The following FAT1 variants were observed in gnomAD, a reference collection of about 807,000 sequenced individuals.
FAT1 encodes the protein FAT atypical cadherin 1.
In FAT1, 171 loss-of-function variants were observed where a neutral mutation model predicts 329.8. That is an observed-to-expected ratio of 0.52 (90% CI 0.46 to 0.59). The LOEUF (loss-of-function observed/expected upper bound fraction) is 0.59. Among genes scored for constraint, FAT1 ranks in the 20% least tolerant of loss-of-function variants. FAT1 has a pLI of 0.00. For missense variants in FAT1, 5,672 were observed against 5,774.4 expected (o/e 0.98, Z 0.57); for synonymous variants, 2,233 against 2,228.6 (o/e 1.00, Z -0.06).
chr4:186,664,512 T>C (rs1460552960), intron 2 of FAT1, among the ~76,000 whole-genome samples: 1 of 152,172 alleles, frequency 6.6e-6, no homozygotes, highest in East Asian at 1.9e-4. Context: ...ATACATTTCT[T>C]AGTAAGTCAA....
chr4:186,606,360 T>G lies in FAT1; in HGVS notation c.10207-147A>C, dbSNP rs1739137347. ...CCTGCCTGTGAGCGATGCCCTAATC[T>G]CCTACAAACGAGTGCATGCAAGTAA... On this transcript the variant is annotated intron_variant, in intron 16 of 26. Transcript: ENST00000441802. 1.2e-5 allele frequency: 9 copies of G among 740,170 alleles called. No individual in the cohort carries two copies. The East Asian group carries it at 2.2e-4, about 18-fold the overall frequency. 45.9% of individuals were successfully genotyped at this position (740,170 alleles called of 1,614,324 possible).
At chr4:186,716,580 G>A (rs1444352576) in intron 1 of FAT1, among the ~76,000 whole-genome samples, 2 of 152,026 alleles carry the variant, frequency 1.3e-5, no homozygotes, top group Admixed American at 6.6e-5. Flanking sequence ...ACCATGCCCA[G>A]CTAATTTTTT....
chr4:186,621,300 C>T lies in FAT1; in HGVS notation c.5286G>A (p.Ala1762=), dbSNP rs749180511. 19 of 1,613,854 alleles carry T rather than the reference C, an allele frequency of 1.2e-5. No homozygotes were observed. The Admixed American group carries it at 1.7e-4, about 14-fold the overall frequency. ...TATATTCTGCCTGCATAAAAACTGG[C>T]GCGTTGTCATTCTCATCCTGCAAGT... ...LVHLQDENDN[A]PVFMQAEYTG... is the part of the protein sequence containing the mutation. The change falls in exon 10 of 27, where the codon GCG becomes GCA. Residue 1762 remains alanine (A), a synonymous_variant. Transcript: ENST00000441802.
Position 186,604,397 on chromosome 4 carries a change from G to A in FAT1, c.10528C>T (p.His3510Tyr), listed in dbSNP as rs749134522. The A allele has an allele frequency of 1.2e-6, 2 of 1,613,432 alleles. No homozygotes were observed. The highest frequency in any genetic ancestry group is 1.7e-6 in the Non-Finnish European group (2 of 1,179,654). The change falls in exon 18 of 27, where the codon CAT (histidine) becomes TAT (tyrosine). Residue 3510 changes from histidine (H) to tyrosine (Y), a missense_variant. Coordinates refer to ENST00000441802, the MANE Select transcript of FAT1 (RefSeq NM_005245.4). ...CATACCTTCACCTGCAGTAAGTAAT[G>A]ATCTTTCTCCTTCCTCTTGATGGCA... is the stretch of plus-strand genomic sequence containing the variant. ...SSAIKRKEKD[H>Y]YLLQVKVADN...
In FAT1 at chr4:186,708,942, C is replaced by T. The variant is rs1744799041; in HGVS notation, c.886G>A (p.Ala296Thr). The change falls in exon 2 of 27, where the codon GCA (alanine) becomes ACA (threonine). Residue 296 changes from alanine to threonine, a missense_variant. Around this residue, in one of 2 missense-constraint regions of FAT1, gnomAD observed 3,966 missense variants for 3,915.2 expected, o/e 1.01. Coordinates refer to ENST00000441802, the MANE Select transcript of FAT1 (RefSeq NM_005245.4). The part of the protein sequence containing the change: ...NGDIASLSIV[A>T]GDLLQQFRTV... ...CTAAACTGCTGGAGAAGGTCACCTGCCACGATGCTTAAAGATGCTATGTCA... is the reference window on the plus strand; with the variant it reads ...CTAAACTGCTGGAGAAGGTCACCTGTCACGATGCTTAAAGATGCTATGTCA... 6.2e-7 allele frequency: 1 copy of T among 1,613,902 alleles called. No homozygotes were observed. The highest frequency in any genetic ancestry group is 1.3e-5 in the African/African-American group (1 of 74,934).
intron 16 of FAT1, among the ~76,000 whole-genome samples, chr4:186,608,132 A>G (rs1367656347): frequency 6.6e-6 from 1 of 152,192 alleles, no homozygotes; most frequent in Non-Finnish European, 1.5e-5. Context: ...TCTGACACCA[A>G]TGCTTTCTAC....
In FAT1 at chr4:186,613,909, T is replaced by C. The variant is rs2584350; in HGVS notation, c.9229+282A>G. On this transcript the variant is annotated intron_variant, in intron 12 of 26. Coordinates refer to ENST00000441802, the MANE Select transcript of FAT1 (RefSeq NM_005245.4). Reference sequence around the variant, plus strand: ...GCAGAAAGCTTGAGTTATATTTTAATTTCTGAGGGTTGTTTTTTTTAAACA... The same window carrying C: ...GCAGAAAGCTTGAGTTATATTTTAACTTCTGAGGGTTGTTTTTTTTAAACA... Among the ~76,000 whole-genome samples the C allele has an allele frequency of 0.65, 99,489 of 152,038 alleles. 33,405 individuals carry two copies. The highest frequency in any genetic ancestry group is 0.82 in the African/African-American group (33,883 of 41,468).
intron 3 of FAT1, among the ~76,000 whole-genome samples, chr4:186,653,025 C>T (rs1011535989): frequency 5.3e-5 from 8 of 152,006 alleles, no homozygotes; most frequent in East Asian, 1.9e-4. Context: ...TGTAAAGAAG[C>T]GAATAAAAAA....
At chr4:186,705,108 T>C (rs1471338672) in intron 2 of FAT1, among the ~76,000 whole-genome samples, 8 of 129,474 alleles carry the variant, frequency 6.2e-5, no homozygotes, top group Non-Finnish European at 1.3e-4. Context: ...ACCCCAGCAT[T>C]TTTTTTTTTT....
intron 6 of FAT1, 110 bp downstream of exon 6, chr4:186,635,915 A>G (rs971469765): frequency 1.2e-5 from 11 of 920,466 alleles, no homozygotes; most frequent in Non-Finnish European, 1.6e-5. Context: ...CCACCTGTCG[A>G]TCTTATTCCC....
rs756893754 is a variant in FAT1 at position 186,600,018 on chromosome 4, T to C, written c.11983A>G (p.Ser3995Gly). ...QELPLNSKPR[S>G]YAHIEESVDV... ...ACCGACTCTTCGATGTGTGCATAGC[T>C]TCTGGGTTTGCTGTTTAAAGGGAGC... The change falls in exon 22 of 27, where the codon AGC becomes GGC. Residue 3995 changes from serine (S) to glycine (G), a missense_variant. By Grantham distance (56) the Ser-to-Gly change is moderately conservative. This residue lies in a region of FAT1 where 1,706 missense variants were observed against 1,859.1 expected (regional missense o/e 0.92). Transcript: ENST00000441802. 1 of 1,613,970 alleles carries C rather than the reference T, an allele frequency of 6.2e-7. No homozygotes were observed. The highest frequency in any genetic ancestry group is 2.2e-5 in the East Asian group (1 of 44,868).
chr4:186,596,865 C>T lies in FAT1; in HGVS notation c.12675G>A (p.Thr4225=), dbSNP rs751716620. 20 of 1,613,880 alleles carry T rather than the reference C, an allele frequency of 1.2e-5. No homozygotes were observed. Among genetic ancestry groups the T allele is most frequent in the African/African-American group, 2.7e-5 (2 of 74,908 alleles). ...CAAAATACGGTCTTTGCAAGAAAGC[C>T]GTAGCGGGTCCCAGGTGCTTGTCTT... ...EPKDKHLGPA[T]AFLQRPYFDS... The change falls in exon 25 of 27, where the codon ACG becomes ACA. Residue 4225 remains threonine, a synonymous_variant. Transcript: ENST00000441802. This position sits in a 1 kb window ranked among gnomAD's most constrained non-coding sequence, Gnocchi z 4.7.
At chr4:186,643,041 G>A (rs1487704351) in intron 3 of FAT1, among the ~76,000 whole-genome samples, 1 of 152,202 alleles carries the variant, frequency 6.6e-6, no homozygotes, top group African/African-American at 2.4e-5. Context: ...AGACGAAGAT[G>A]TAGACTTCCA....
rs1167454984 is a variant in FAT1, at chr4:186,620,135, G to A, written c.6451C>T (p.Leu2151Phe). ...FELDTLNKEY[L>F]VTVVAKDGGN... ...CCATCTTTTGCAACCACTGTAACAA[G>A]ATATTCTTTATTTAAGGTGTCAAGC... The change falls in exon 10 of 27, where the codon CTT becomes TTT. Residue 2151 changes from leucine to phenylalanine, a missense_variant. Coordinates refer to ENST00000441802, the MANE Select transcript of FAT1 (RefSeq NM_005245.4). 1 of 1,613,860 alleles carries A rather than the reference G, an allele frequency of 6.2e-7. No homozygotes were observed. Among genetic ancestry groups the A allele is most frequent in the African/African-American group, 1.3e-5 (1 of 74,932 alleles).
At chr4:186,598,157 A>G (rs2126403859) in intron 22 of FAT1, 32 bp from the exon 23 acceptor site, 3 of 1,578,244 alleles carry the variant, frequency 1.9e-6, no homozygotes, top group Non-Finnish European at 2.6e-6. Flanking sequence ...AAAAAGTCCT[A>G]TCACTCAATG....
In FAT1 at chr4:186,600,052, A is replaced by G. The variant is rs768739766; in HGVS notation, c.11949T>C (p.Asn3983=). 6 of 1,613,900 alleles carry G rather than the reference A, an allele frequency of 3.7e-6. No individual in the cohort carries two copies. The highest frequency in any genetic ancestry group is 5.1e-6 in the Non-Finnish European group (6 of 1,179,896). The change falls in exon 22 of 27, where the codon AAT becomes AAC. Residue 3983 remains asparagine (N), a synonymous_variant. Coordinates refer to ENST00000441802, the MANE Select transcript of FAT1 (RefSeq NM_005245.4). ...TGCTGTTTAAAGGGAGCTCCTGCCCATTCAAATAAATGGAGTCCATACAAC... is the reference window on the plus strand; with the variant it reads ...TGCTGTTTAAAGGGAGCTCCTGCCCGTTCAAATAAATGGAGTCCATACAAC... ...FRGCMDSIYL[N]GQELPLNSKP...
rs763165843 is a variant in FAT1, at chr4:186,707,475, T to A, written c.2353A>T (p.Thr785Ser). 1.9e-6 allele frequency: 3 copies of A among 1,614,048 alleles called. No homozygotes were observed. The highest frequency in any genetic ancestry group is 2.5e-6 in the Non-Finnish European group (3 of 1,179,904). ...KILSPLDRET[T>S]DKYTLNITVY... ...GTAATATTCAGGGTGTATTTGTCTG[T>A]TGTTTCACGGTCAAGAGGAGATAAA... The change falls in exon 2 of 27, where the codon ACA becomes TCA. Residue 785 changes from threonine (T) to serine (S), a missense_variant. By Grantham distance (58) the Thr-to-Ser change is moderately conservative. Coordinates refer to ENST00000441802, the MANE Select transcript of FAT1 (RefSeq NM_005245.4).
At chr4:186,663,673 G>C (rs2126619344) in intron 2 of FAT1, 60 bp from the exon 3 acceptor site, 1 of 1,374,144 alleles carries the variant, frequency 7.3e-7, no homozygotes, top group Non-Finnish European at 9.9e-7. Context: ...GCCAGCTTCA[G>C]AAAGTGTCAA....
In FAT1 at chr4:186,636,699, T is replaced by G. The variant is rs2126563494; in HGVS notation, c.3858A>C (p.Glu1286Asp). The G allele has an allele frequency of 1.2e-6, 2 of 1,613,934 alleles. No individual in the cohort carries two copies. Among genetic ancestry groups the G allele is most frequent in the Non-Finnish European group, 1.7e-6 (2 of 1,179,882 alleles). Reference protein sequence around the residue: ...ATDKDEGPNAEISYSIEDGNE... With the variant: ...ATDKDEGPNADISYSIEDGNE... ...TCCCGTCTTCGATGCTGTAGGAGAT[T>G]TCTGCATTGGGGCCCTCATCCTTGT... Residue 1286 changes from glutamate (E) to aspartate (D), a missense_variant, in exon 5 of 27, where the codon GAA becomes GAC. Transcript: ENST00000441802.
Sources: allele counts gnomAD v4.1 joint callset (sites outside exome capture counted in the v4.1 genomes callset), GRCh38; gene constraint gnomAD v4.1.1; regional missense constraint gnomAD v4.1.1; non-coding constraint Gnocchi (gnomAD v3.1); transcripts MANE v1.5; gene names NCBI Gene and HGNC (gene_info 2026-07-23, HGNC 2026-07-21).